The following UBAC2 variants were observed in gnomAD, a reference collection of about 807,000 sequenced individuals.
The protein encoded by UBAC2 is ubiquitin-associated domain-containing protein 2.
In UBAC2, 26 loss-of-function variants were observed where a neutral mutation model predicts 44.0. That is an observed-to-expected ratio of 0.59 (90% confidence interval 0.43 to 0.82). The LOEUF (loss-of-function observed/expected upper bound fraction) is 0.82. Ranked by LOEUF, UBAC2 falls within the 40% of genes least tolerant of loss-of-function variation. UBAC2 has a pLI of 0.00. For synonymous variants in UBAC2, 155 were observed against 154.3 expected, an observed-to-expected ratio of 1.00 and a Z score of -0.04; for missense variants, 329 against 419.4, an observed-to-expected ratio of 0.78 and a Z score of 1.88.
chr13:99,295,196 C>T lies in UBAC2; in HGVS notation c.390-18901C>T. 1.2e-6 allele frequency: 2 copies of T among 1,614,170 alleles called. No homozygotes were observed. The highest frequency in any genetic ancestry group is 2.2e-5 in the South Asian group (2 of 91,080). ...CCGTTTCAGCATCCTCATAACCTTT[C>T]TCTTATACCCTTTACATGCAAAGAA... On this transcript the variant is annotated intron_variant, in intron 4 of 8. Coordinates refer to ENST00000403766, the MANE Select transcript of UBAC2 (RefSeq NM_001144072.2). The surrounding 1 kb of genome is among the most constrained non-coding windows in gnomAD (Gnocchi z 4.1).
chr13:99,341,382 A>G (rs2044883969), intron 7 of UBAC2, among the ~76,000 whole-genome samples: 1 of 97,336 alleles, frequency 1.0e-5, no homozygotes, highest in Non-Finnish European at 2.3e-5. Context: ...AGGTCCTTAG[A>G]GTCCCATTGG....
chr13:99,248,044 A>G (rs2043410287), intron 4 of UBAC2, among the ~76,000 whole-genome samples: 1 of 150,488 alleles, frequency 6.6e-6, no homozygotes, highest in African/African-American at 2.5e-5. Flanking sequence ...CCCACACACT[A>G]CTCCCTCCTA....
chr13:99,269,623 T>TA (rs1392524919), intron 4 of UBAC2, among the ~76,000 whole-genome samples: 1 of 152,184 alleles, frequency 6.6e-6, no homozygotes, highest in Non-Finnish European at 1.5e-5. Flanking sequence ...AAGAGCTAAA[T>TA]AATGAGTTGG....
At chr13:99,277,671 T>G (rs562492166) in intron 4 of UBAC2, among the ~76,000 whole-genome samples, 3 of 152,374 alleles carry the variant, frequency 2.0e-5, no homozygotes, top group Admixed American at 2.0e-4. Flanking sequence ...TAAGGCCATT[T>G]TACATTGTGT....
rs186481495 is a variant in UBAC2, at chr13:99,347,649, T to A, written c.807+7084T>A. ...CAGCTCTGATGAACAGTGACCAGGG[T>A]GATGGCTCTATAGATCTCACTTCAA... On this transcript the variant is annotated intron_variant, in intron 7 of 8. Transcript: ENST00000403766. Among the ~76,000 whole-genome samples, 15 of 151,846 alleles carry A rather than the reference T, an allele frequency of 9.9e-5. No homozygotes were observed. The East Asian group carries it at 2.7e-3, about 27-fold the overall frequency.
chr13:99,340,725 A>G (rs1344453800), intron 7 of UBAC2, among the ~76,000 whole-genome samples, 160 bp downstream of exon 7: 1 of 152,208 alleles, frequency 6.6e-6, no homozygotes, highest in Non-Finnish European at 1.5e-5. Flanking sequence ...GTTAGTGGCC[A>G]TTCTTAGTTT....
chr13:99,354,237 C>T (rs2045141885), intron 7 of UBAC2, among the ~76,000 whole-genome samples: 1 of 152,236 alleles, frequency 6.6e-6, no homozygotes, highest in Non-Finnish European at 1.5e-5. Flanking sequence ...CATTCATGAG[C>T]AGTGTGAGCC....
At chr13:99,254,776 A>G in intron 4 of UBAC2, 1 of 839,838 alleles carries the variant, frequency 1.2e-6, no homozygotes, top group Non-Finnish European at 1.8e-6. Context: ...TTATTTTTTC[A>G]AGAGAAAAGG....
chr13:99,314,092 C>T lies in UBAC2; in HGVS notation c.390-5C>T, dbSNP rs1159927287. On this transcript the variant is annotated splice_polypyrimidine_tract_variant and splice_region_variant and intron_variant, in intron 4 of 8. Transcript: ENST00000403766. ...ATAGTGATTTTTTTTTATTTGTTTG[C>T]ATAGCCTGGCACCTGTGTTTGCTCT... 2 of 1,594,520 alleles carry T rather than the reference C, an allele frequency of 1.3e-6. No homozygotes were observed. The highest frequency in any genetic ancestry group is 2.3e-5 in the South Asian group (2 of 86,304).
rs758304848 is a variant in UBAC2 at position 99,314,174 on chromosome 13, C to T, written c.467C>T (p.Pro156Leu). The T allele has an allele frequency of 2.8e-5, 45 of 1,613,370 alleles. No homozygotes were observed. Among genetic ancestry groups the T allele is most frequent in the East Asian group, 4.5e-5 (2 of 44,852 alleles). Residue 156 changes from proline to leucine, a missense_variant, in exon 5 of 9, where the codon CCG (proline) becomes CTG (leucine). Transcript: ENST00000403766. ...GTCCAAGTGGCACAAATTCTGGGTC[C>T]GTTGTCCATCACAAACAAGACATTG... is the stretch of plus-strand genomic sequence containing the variant. ...PRVQVAQILG[P>L]LSITNKTLIY...
chr13:99,284,714 G>T (rs760816325), intron 4 of UBAC2, among the ~76,000 whole-genome samples: 2 of 152,060 alleles, frequency 1.3e-5, no homozygotes, highest in Non-Finnish European at 2.9e-5. Context: ...CATTTCATTG[G>T]TACATCCCCT....
intron 5 of UBAC2, among the ~76,000 whole-genome samples, chr13:99,316,695 G>A (rs1203224850): frequency 6.6e-6 from 1 of 152,212 alleles, no homozygotes; most frequent in Non-Finnish European, 1.5e-5. Flanking sequence ...GGCAATGAGA[G>A]GCTTCAGAAC....
chr13:99,342,754 C>G (rs547166037), intron 7 of UBAC2, among the ~76,000 whole-genome samples: 3 of 152,324 alleles, frequency 2.0e-5, no homozygotes, highest in Non-Finnish European at 4.4e-5. Flanking sequence ...TCCCTCCCTT[C>G]CAGTCCCCTG....
chr13:99,345,626 G>C (rs1364453853), intron 7 of UBAC2, among the ~76,000 whole-genome samples: 2 of 152,072 alleles, frequency 1.3e-5, no homozygotes, highest in East Asian at 3.8e-4. Flanking sequence ...TCAAGATCTA[G>C]AGACTGGACC....
In UBAC2 at chr13:99,215,378, A is replaced by G. The variant is rs1303856702; in HGVS notation, c.31+14439A>G. 2.6e-6 allele frequency: 3 copies of G among 1,160,338 alleles called. No individual in the cohort carries two copies. In the African/African-American group the frequency reaches 4.5e-5, roughly 17 times the overall value. The allele number at this position is 1,160,338 out of a possible 1,614,324, so 71.9% of individuals were successfully genotyped here. On this transcript the variant is annotated intron_variant, in intron 1 of 8. Transcript: ENST00000403766. ...CAAGGAATCCAGGCATACATTAGACAGTCTTCTGTTGTCCTTTCTTCCCAA... is the reference window on the plus strand; with the variant it reads ...CAAGGAATCCAGGCATACATTAGACGGTCTTCTGTTGTCCTTTCTTCCCAA...
chr13:99,353,435 G>T (rs1271577235), intron 7 of UBAC2, among the ~76,000 whole-genome samples: 1 of 152,138 alleles, frequency 6.6e-6, no homozygotes, highest in Admixed American at 6.5e-5. Context: ...AAGTGACCTT[G>T]AGAAAATCAT....
At chr13:99,271,280 G>A (rs1020961709) in intron 4 of UBAC2, among the ~76,000 whole-genome samples, 1 of 152,164 alleles carries the variant, frequency 6.6e-6, no homozygotes, top group African/African-American at 2.4e-5. Flanking sequence ...CAGAAATCAG[G>A]TAATATTTGA....
chr13:99,247,131 C>T (rs1282788466), intron 4 of UBAC2, among the ~76,000 whole-genome samples: 1 of 152,092 alleles, frequency 6.6e-6, no homozygotes, highest in East Asian at 1.9e-4. Context: ...CCACTGCACC[C>T]AGCCACAAAT....
At position 99,295,167 on chromosome 13, in the gene UBAC2, C is replaced by G; in HGVS notation, c.390-18930C>G. On this transcript the variant is annotated intron_variant, in intron 4 of 8. Coordinates refer to ENST00000403766, the MANE Select transcript of UBAC2 (RefSeq NM_001144072.2). This position sits in a 1 kb window ranked among gnomAD's most constrained non-coding sequence, Gnocchi z 4.1. ...ACAGCACTAGAAATCGATACACTGACTTGCCGTTTCAGCATCCTCATAACC... is the reference window on the plus strand; with the variant it reads ...ACAGCACTAGAAATCGATACACTGAGTTGCCGTTTCAGCATCCTCATAACC... 1 of 1,614,158 alleles carries G rather than the reference C, an allele frequency of 6.2e-7. No individual in the cohort carries two copies. Among genetic ancestry groups the G allele is most frequent in the Non-Finnish European group, 8.5e-7 (1 of 1,180,000 alleles).
Sources: allele counts gnomAD v4.1 joint callset (sites outside exome capture counted in the v4.1 genomes callset), GRCh38; gene constraint gnomAD v4.1.1; non-coding constraint Gnocchi (gnomAD v3.1); transcripts MANE v1.5; gene names NCBI Gene and HGNC (gene_info 2026-07-23, HGNC 2026-07-21).